Variants in UPRT observed in about 807,000 individuals in gnomAD.
UPRT encodes the protein RP11-311P8.3.
Under a neutral mutation model 22.6 loss-of-function variants are expected in UPRT, and 5 were observed. The observed-to-expected ratio is 0.22, with a 90% CI of 0.12 to 0.47. The LOEUF (loss-of-function observed/expected upper bound fraction) is 0.47. UPRT is among the 20% of genes least tolerant of loss of function. The pLI is 0.99. For synonymous variants in UPRT, 77 were observed against 87.7 expected (o/e 0.88, Z 0.68); for missense variants, 181 against 239.9 (o/e 0.75, Z 1.62).
chrX:75,211,966 C>T (rs1444264080), intron 4 of UPRT, among the ~76,000 whole-genome samples: 1 of 111,414 alleles, frequency 9.0e-6, no homozygotes, highest in Non-Finnish European at 1.9e-5. Flanking sequence ...GGGGGCATGG[C>T]TTGCTGCCTG....
rs942674930 is a variant in UPRT at position 75,274,906 on chromosome X, G to A, written c.386+266G>A. ...GAGGAAGACTTTAGGTAGCCTCTGG[G>A]CTCTTTGTCTCTCCCAGGAAAGACA... On this transcript the variant is annotated intron_variant, in intron 1 of 6. Coordinates refer to ENST00000373383, the MANE Select transcript of UPRT (RefSeq NM_145052.4). The A allele has an allele frequency of 1.5e-5, 5 of 343,341 alleles. No individual in the cohort carries two copies. The Admixed American group carries it at 1.6e-4, about 11-fold the overall frequency. 28.3% of individuals were successfully genotyped at this position (343,341 alleles called of 1,213,427 possible).
intron 2 of UPRT, among the ~76,000 whole-genome samples, chrX:75,161,484 G>A (rs1338859333): frequency 1.8e-5 from 2 of 111,627 alleles, no homozygotes; most frequent in African/African-American, 6.5e-5. Flanking sequence ...AACCTCCAGG[G>A]GAAAAAAAAT....
chrX:75,233,094 A>G (rs866423205), intron 4 of UPRT, among the ~76,000 whole-genome samples: 49 of 111,835 alleles, frequency 4.4e-4, no homozygotes, highest in African/African-American at 1.5e-3. Context: ...TGCTTAAAGG[A>G]GCTGATGGAG....
chrX:75,178,247 G>A (rs372667684), intron 4 of UPRT, among the ~76,000 whole-genome samples: 21 of 112,086 alleles, frequency 1.9e-4, no homozygotes, highest in Admixed American at 8.5e-4. Flanking sequence ...TGCGCTAGTC[G>A]CTTTTAACTG....
intron 4 of UPRT, among the ~76,000 whole-genome samples, chrX:75,190,575 T>C (rs889409482): frequency 1.8e-5 from 2 of 112,322 alleles, no homozygotes; most frequent in East Asian, 5.6e-4. Flanking sequence ...CAGAGTGTTT[T>C]CCAACTTGGT....
chrX:75,163,749 T>G (rs2082206266), intron 3 of UPRT, among the ~76,000 whole-genome samples: 1 of 112,176 alleles, frequency 8.9e-6, no homozygotes, highest in African/African-American at 3.2e-5. Flanking sequence ...TTGCTATGGT[T>G]TAAGTATGTC....
chrX:75,235,427 A>T (rs2082458137), intron 4 of UPRT, among the ~76,000 whole-genome samples: 1 of 112,005 alleles, frequency 8.9e-6, no homozygotes, highest in South Asian at 3.8e-4. Context: ...ATCCTCCCTA[A>T]CTCATTTTAT....
intron 4 of UPRT, among the ~76,000 whole-genome samples, chrX:75,245,895 G>A (rs930823935): frequency 4.5e-5 from 5 of 110,896 alleles, no homozygotes; most frequent in Non-Finnish European, 3.8e-5. Context: ...CATGTGACAC[G>A]GAAATTACCT....
At chrX:75,170,123 G>A (rs888343359) in intron 4 of UPRT, among the ~76,000 whole-genome samples, 2 of 100,685 alleles carry the variant, frequency 2.0e-5, no homozygotes. Context: ...CAAAACCTCC[G>A]CCTCCCGGGT....
chrX:75,272,497 T>G (rs888815399), upstream of UPRT, among the ~76,000 whole-genome samples: 2 of 107,129 alleles, frequency 1.9e-5, no homozygotes, highest in African/African-American at 6.8e-5. Context: ...AAACCAAACA[T>G]TGTATGTTCT....
Position 75,234,426 on chromosome X carries a change from C to T in UPRT, c.-446-56598C>T, listed in dbSNP as rs776239681. On this transcript the variant is annotated intron_variant, in intron 4 of 13. Coordinates refer to the UPRT transcript ENST00000652605. Reference sequence around the variant, plus strand: ...CCCAGGAATTGAACTCAGCTCTGTACCAAGCAGACCTAAGAGACATCTACA... The same window carrying T: ...CCCAGGAATTGAACTCAGCTCTGTATCAAGCAGACCTAAGAGACATCTACA... Among the ~76,000 whole-genome samples the T allele has an allele frequency of 3.6e-5, 4 of 111,227 alleles. No individual in the cohort carries two copies. The South Asian group carries it at 1.5e-3, about 43-fold the overall frequency.
At chrX:75,238,472 A>T (rs1263808066) in intron 4 of UPRT, among the ~76,000 whole-genome samples, 1 of 111,801 alleles carries the variant, frequency 8.9e-6, no homozygotes, top group African/African-American at 3.2e-5. Flanking sequence ...GGAGCTTCCA[A>T]ATTTATAAAA....
intron 4 of UPRT, among the ~76,000 whole-genome samples, chrX:75,235,676 A>C (rs967296106): frequency 3.6e-5 from 4 of 111,978 alleles, no homozygotes; most frequent in African/African-American, 9.7e-5. Flanking sequence ...CCAGCATATA[A>C]ACAGAACCAA....
At chrX:75,198,645 T>G (rs2147622022) in intron 4 of UPRT, among the ~76,000 whole-genome samples, 1 of 112,056 alleles carries the variant, frequency 8.9e-6, no homozygotes. Context: ...GAAAAATTGA[T>G]AAACTAGAAG....
intron 4 of UPRT, among the ~76,000 whole-genome samples, chrX:75,222,858 C>T (rs1245610483): frequency 3.6e-5 from 4 of 110,268 alleles, no homozygotes; most frequent in East Asian, 5.8e-4. Context: ...ACCTAACCTA[C>T]AAGACAAAAT....
intron 1 of UPRT, among the ~76,000 whole-genome samples, chrX:75,283,849 G>A (rs895182318): frequency 8.1e-5 from 9 of 111,769 alleles, no homozygotes; most frequent in Non-Finnish European, 5.6e-5. Flanking sequence ...TCTCTATCAA[G>A]GCTGGGGAAA....
At chrX:75,262,701 A>G (rs2082572946) in intron 4 of UPRT, among the ~76,000 whole-genome samples, 1 of 112,023 alleles carries the variant, frequency 8.9e-6, no homozygotes, top group African/African-American at 3.2e-5. Context: ...ATCAAAAGAG[A>G]CAGAGCAGGG....
chrX:75,301,149 T>G, intron 6 of UPRT, 184 bp downstream of exon 6: 1 of 336,510 alleles, frequency 3.0e-6, no homozygotes, highest in Non-Finnish European at 5.1e-6. Flanking sequence ...TATACCATTC[T>G]AATGTTCAAA....
intron 4 of UPRT, among the ~76,000 whole-genome samples, chrX:75,257,606 C>A (rs2082553365): frequency 9.0e-6 from 1 of 111,385 alleles, no homozygotes; most frequent in African/African-American, 3.3e-5. Context: ...GATTGTTTAC[C>A]TAGAAAACCC....
Sources: gnomAD v4.1 joint callset for allele counts (sites outside exome capture counted in the v4.1 genomes callset) on GRCh38, gnomAD v4.1.1 for gene constraint, MANE v1.5 for transcripts, NCBI Gene and HGNC (gene_info 2026-07-23, HGNC 2026-07-21) for gene names.